The following CSNK1G1 variants were observed in gnomAD, a reference collection of about 807,000 sequenced individuals.
CSNK1G1 encodes casein kinase 1 gamma 1, also known as casein kinase I isoform gamma-1.
CSNK1G1 carries 22 observed loss-of-function variants against 59.6 expected under a neutral mutation model. That is an observed-to-expected ratio of 0.37 (90% CI 0.26 to 0.53). The LOEUF (loss-of-function observed/expected upper bound fraction) is 0.53, where lower values mean the gene tolerates loss of function less well. CSNK1G1 is among the 20% of genes least tolerant of loss of function. The pLI is 0.89. For synonymous variants in CSNK1G1, 179 were observed against 177.1 expected (o/e 1.01, Z -0.08); for missense variants, 384 against 519.5 (o/e 0.74, Z 2.54).
chr15:64,277,670 T>A (rs1893754755), intron 2 of CSNK1G1, among the ~76,000 whole-genome samples: 1 of 135,600 alleles, frequency 7.4e-6, no homozygotes, highest in Non-Finnish European at 1.5e-5. Context: ...TATTGATATA[T>A]TTAATAATAT....
In CSNK1G1 at chr15:64,343,234, C is replaced by CACACACACACACACACACACA. The variant is rs1327910388; in HGVS notation, c.-225+12753_-225+12754insTGTGTGTGTGTGTGTGTGTGT. 4.0e-5 allele frequency among the ~76,000 whole-genome samples: 6 copies of CACACACACACACACACACACA among 151,866 alleles called. No homozygotes were observed. In the East Asian group the frequency reaches 7.8e-4, roughly 20 times the overall value. ...ACACACACACACACACACACACACACACCTCTTCTAAAATAGACCCCATTC... is the reference window on the plus strand; with the variant it reads ...ACACACACACACACACACACACACACACACACACACACACACACACAACCTCTTCTAAAATAGACCCCATTC... On this transcript the variant is annotated intron_variant, in intron 1 of 11. Transcript: ENST00000303052.
intron 2 of CSNK1G1, among the ~76,000 whole-genome samples, chr15:64,282,009 C>T (rs1308407721): frequency 1.3e-5 from 2 of 151,554 alleles, no homozygotes; most frequent in Non-Finnish European, 2.9e-5. Context: ...GCAGCCTCAA[C>T]CTCCTGAGCT....
chr15:64,305,472 T>C (rs994152792), intron 1 of CSNK1G1, among the ~76,000 whole-genome samples: 1 of 151,774 alleles, frequency 6.6e-6, no homozygotes, highest in Admixed American at 6.6e-5. Context: ...TCCCAGTGTG[T>C]TGGGAGGCCA....
In CSNK1G1 at chr15:64,215,305, T is replaced by C. The variant is rs958839850; in HGVS notation, c.445-1181A>G. ...TCGGCTCACTGCAAGCTCCACCTCC[T>C]GGGTTCACGCCATTCTCCTGCCTCA... On this transcript the variant is annotated intron_variant, in intron 5 of 11. Transcript: ENST00000303052. Among the ~76,000 whole-genome samples the C allele has an allele frequency of 3.5e-5, 5 of 144,718 alleles. No individual in the cohort carries two copies. The Admixed American group carries it at 3.6e-4, about 10-fold the overall frequency. The allele number at this position is 144,718 out of a possible 152,430, so 94.9% of individuals were successfully genotyped here.
At chr15:64,298,117 T>C (rs542068917) in intron 2 of CSNK1G1, among the ~76,000 whole-genome samples, 1 of 152,126 alleles carries the variant, frequency 6.6e-6, no homozygotes, top group Non-Finnish European at 1.5e-5. Flanking sequence ...CAAAACACAA[T>C]ACTACTCTGA....
rs999180636 is a variant in CSNK1G1, at chr15:64,167,528, C to T, written c.*4403G>A. ...CAATTCAGATGGGTTGCCTAATTAT[C>T]CTGGCTCCCTGAGGGTTTCTGGAAT... On this transcript the variant is annotated 3_prime_UTR_variant, in exon 12 of 12. Transcript: ENST00000303052. The T allele has an allele frequency of 1.3e-5, 2 of 152,680 alleles. No homozygotes were observed. The highest frequency in any genetic ancestry group is 1.3e-4 in the Admixed American group (2 of 15,272). 9.5% of individuals were successfully genotyped at this position (152,680 alleles called of 1,614,324 possible). A position where few individuals can be genotyped will look rare whatever the true frequency, so the allele number is the denominator to read the frequency against.
At chr15:64,235,894 A>G (rs1430900678) in intron 4 of CSNK1G1, among the ~76,000 whole-genome samples, 1 of 152,222 alleles carries the variant, frequency 6.6e-6, no homozygotes, top group African/African-American at 2.4e-5. Context: ...GAGAAAAAAG[A>G]TAAATAAGGT....
At chr15:64,300,748 T>C (rs1895283996) in intron 1 of CSNK1G1, 25 bp from the exon 2 acceptor site, 18 of 1,220,456 alleles carry the variant, frequency 1.5e-5, no homozygotes, top group Non-Finnish European at 1.7e-5. Context: ...AGAAAACATG[T>C]AGTTAAAAAT....
chr15:64,333,019 G>A (rs562661350), intron 1 of CSNK1G1, among the ~76,000 whole-genome samples: 1 of 152,196 alleles, frequency 6.6e-6, no homozygotes, highest in Admixed American at 6.5e-5. Flanking sequence ...CACTTTGGGA[G>A]GCCAAGGTAG....
Position 64,278,423 on chromosome 15 carries a change from TA to T in CSNK1G1, c.182-19183del, listed in dbSNP as rs1566931018. ...GTGTGTGTGTGTGTGTGTGTGTATATATATATATATTTTTTTTTTTTTGGAC... is the reference window on the plus strand; with the variant it reads ...GTGTGTGTGTGTGTGTGTGTGTATATTATATATATTTTTTTTTTTTTGGAC... On this transcript the variant is annotated intron_variant, in intron 2 of 11. Coordinates refer to ENST00000303052, the MANE Select transcript of CSNK1G1 (RefSeq NM_022048.5). Among the ~76,000 whole-genome samples the T allele has an allele frequency of 2.8e-4, 32 of 113,062 alleles. 1 individual carries two copies. The highest frequency in any genetic ancestry group is 1.1e-3 in the African/African-American group (28 of 25,126). The allele number at this position is 113,062 out of a possible 152,430, so 74.2% of individuals were successfully genotyped here. A position where few individuals can be genotyped will look rare whatever the true frequency, so the allele number is the denominator to read the frequency against.
intron 4 of CSNK1G1, among the ~76,000 whole-genome samples, chr15:64,228,727 T>C (rs749007715): frequency 3.2e-4 from 49 of 152,094 alleles, no homozygotes; most frequent in Non-Finnish European, 6.0e-4. Context: ...TTTAATACTA[T>C]AGCATGGGCC....
In CSNK1G1 at chr15:64,176,843, G is replaced by A. The variant is rs982394378; in HGVS notation, c.1214+3505C>T. ...CGACACTTACTTTATCTTATTAGAA[G>A]ATGAATCAGAGGAAGGAGGGTCACT... is the stretch of plus-strand genomic sequence containing the variant. On this transcript the variant is annotated intron_variant, in intron 11 of 11. Coordinates refer to ENST00000303052, the MANE Select transcript of CSNK1G1 (RefSeq NM_022048.5). This position sits in a 1 kb window ranked among gnomAD's most constrained non-coding sequence, Gnocchi z 5.2. Among the ~76,000 whole-genome samples, 1 of 152,204 alleles carries A rather than the reference G, an allele frequency of 6.6e-6. No individual in the cohort carries two copies. The highest frequency in any genetic ancestry group is 2.4e-5 in the African/African-American group (1 of 41,450).
intron 2 of CSNK1G1, among the ~76,000 whole-genome samples, chr15:64,283,067 C>T (rs951262796): frequency 5.3e-5 from 8 of 152,222 alleles, no homozygotes; most frequent in African/African-American, 1.9e-4. Context: ...GTGTACACTG[C>T]TCAGGTGATG....
intron 10 of CSNK1G1, among the ~76,000 whole-genome samples, chr15:64,184,850 G>A (rs2081869897): frequency 6.6e-6 from 1 of 152,078 alleles, no homozygotes; most frequent in Non-Finnish European, 1.5e-5. Context: ...TTCAGACCTG[G>A]TAATATCCCT....
Position 64,310,539 on chromosome 15 carries a change from G to C in CSNK1G1, c.-224-9816C>G, listed in dbSNP as rs545328700. On this transcript the variant is annotated intron_variant, in intron 1 of 11. Coordinates refer to ENST00000303052, the MANE Select transcript of CSNK1G1 (RefSeq NM_022048.5). ...AAGACCAACCTGGGTGATGTGGTGA[G>C]ACTGTGTCTCTATAAAAAAAAAAAA... 5.6e-4 allele frequency among the ~76,000 whole-genome samples: 73 copies of C among 129,278 alleles called. No individual in the cohort carries two copies. The South Asian group carries it at 0.019, about 34-fold the overall frequency. 84.8% of individuals were successfully genotyped at this position (129,278 alleles called of 152,430 possible).
At chr15:64,325,769 G>C (rs1038190800) in intron 1 of CSNK1G1, among the ~76,000 whole-genome samples, 34 of 152,142 alleles carry the variant, frequency 2.2e-4, no homozygotes, top group African/African-American at 3.4e-4. Flanking sequence ...AAAGAGGTAT[G>C]ATTATTATCA....
intron 4 of CSNK1G1, among the ~76,000 whole-genome samples, chr15:64,233,217 T>C (rs1007974522): frequency 1.3e-5 from 2 of 152,184 alleles, no homozygotes; most frequent in African/African-American, 4.8e-5. Context: ...TGTGTTACTG[T>C]GGGATGTATG....
chr15:64,275,831 A>C (rs1250208641), intron 2 of CSNK1G1, among the ~76,000 whole-genome samples: 1 of 152,252 alleles, frequency 6.6e-6, no homozygotes, highest in Non-Finnish European at 1.5e-5. Flanking sequence ...AACTTCATAT[A>C]CACAGATATT....
At chr15:64,180,961 T>A (rs1165988010) in intron 10 of CSNK1G1, among the ~76,000 whole-genome samples, 2 of 152,262 alleles carry the variant, frequency 1.3e-5, no homozygotes, top group African/African-American at 4.8e-5. Flanking sequence ...TCTCTCAGTT[T>A]ATTATGCTAT....
Sources: gnomAD v4.1 joint callset for allele counts (sites outside exome capture counted in the v4.1 genomes callset) on GRCh38, gnomAD v4.1.1 for gene constraint, Gnocchi (gnomAD v3.1) non-coding constraint, MANE v1.5 for transcripts, NCBI Gene and HGNC (gene_info 2026-07-23, HGNC 2026-07-21) for gene names.